ERC1: variants seen among roughly 807,000 people sequenced by gnomAD.
ERC1 encodes the protein ELKS/RAB6-interacting/CAST family member 1.
ERC1 carries 56 observed loss-of-function variants against 132.0 expected under a neutral mutation model. The ratio of observed to expected loss-of-function variants is 0.42; its 90% CI spans 0.34 to 0.53. The LOEUF is 0.53. ERC1 is among the 20% of genes least tolerant of loss of function. ERC1 has a pLI of 0.03. For synonymous variants in ERC1, 478 were observed against 476.1 expected, an observed-to-expected ratio of 1.00 and a Z score of -0.05; for missense variants, 1,202 against 1,349.9, an observed-to-expected ratio of 0.89 and a Z score of 1.72.
At chr12:1,311,800 A>G (rs563898645) in intron 15 of ERC1, among the ~76,000 whole-genome samples, 2 of 152,308 alleles carry the variant, frequency 1.3e-5, no homozygotes, top group East Asian at 3.9e-4. Context: ...TGAAGTAGCC[A>G]TGCTTTGTCT....
At chr12:1,420,150 T>G (rs553382168) in intron 17 of ERC1, among the ~76,000 whole-genome samples, 1 of 152,296 alleles carries the variant, frequency 6.6e-6, no homozygotes, top group Non-Finnish European at 1.5e-5. Context: ...TTTGCATAAT[T>G]TATTATTTTT....
chr12:1,484,291 G>A (rs542896319), intron 18 of ERC1, among the ~76,000 whole-genome samples: 122 of 150,868 alleles, frequency 8.1e-4, no homozygotes, highest in Middle Eastern at 6.8e-3. Context: ...GTGACAGAGC[G>A]AGACTCCGTC....
intron 13 of ERC1, among the ~76,000 whole-genome samples, chr12:1,252,773 G>T (rs966505547): frequency 6.6e-6 from 1 of 152,146 alleles, no homozygotes; most frequent in African/African-American, 2.4e-5. Context: ...ACCAAATTCT[G>T]TCTCTGTGTT....
At chr12:1,397,407 C>G (rs992288585) in intron 16 of ERC1, among the ~76,000 whole-genome samples, 3 of 152,090 alleles carry the variant, frequency 2.0e-5, no homozygotes, top group African/African-American at 7.2e-5. Context: ...CAAAATAACC[C>G]AGTTGTGCCA....
chr12:1,207,069 A>C (rs977923972), intron 12 of ERC1, among the ~76,000 whole-genome samples: 2 of 152,102 alleles, frequency 1.3e-5, no homozygotes, highest in African/African-American at 2.4e-5. Context: ...TTTGCCCCCC[A>C]AAAAATCCCA....
chr12:1,433,581 A>G (rs531998464), intron 17 of ERC1, among the ~76,000 whole-genome samples: 19 of 152,274 alleles, frequency 1.2e-4, no homozygotes, highest in Non-Finnish European at 2.1e-4. Context: ...GCATCTGGGA[A>G]ATGATGTGTG....
intron 11 of ERC1, among the ~76,000 whole-genome samples, chr12:1,183,829 AGAGT>A (rs1425945219): frequency 1.3e-5 from 2 of 152,126 alleles, no homozygotes; most frequent in Non-Finnish European, 1.5e-5. Flanking sequence ...CCTGTGCCAC[AGAGT>A]GAGACCCCAT....
chr12:1,424,882 ATAGATAGATAGATAGATAG>A (rs1335258497), intron 17 of ERC1, among the ~76,000 whole-genome samples: 5 of 147,224 alleles, frequency 3.4e-5, no homozygotes, highest in African/African-American at 1.3e-4. Flanking sequence ...AGATAGATAG[ATAGATAGATAGATAGATAG>A]ATAGATAGAT....
intron 18 of ERC1, among the ~76,000 whole-genome samples, chr12:1,458,099 G>C (rs1433293527): frequency 2.0e-5 from 3 of 152,182 alleles, no homozygotes; most frequent in Non-Finnish European, 4.4e-5. Flanking sequence ...ATCATGCCCT[G>C]GGCATTTGGC....
intron 16 of ERC1, among the ~76,000 whole-genome samples, chr12:1,382,628 TC>T (rs1447081745): frequency 6.6e-6 from 1 of 152,236 alleles, no homozygotes; most frequent in Non-Finnish European, 1.5e-5. Context: ...GGTGGATAGA[TC>T]AAATGATTTT....
chr12:1,022,151 A>G (rs1429874539), intron 1 of ERC1, among the ~76,000 whole-genome samples: 6 of 152,164 alleles, frequency 3.9e-5, no homozygotes, highest in African/African-American at 7.2e-5. Flanking sequence ...TCCTGGACTC[A>G]AGCAATCCTA....
At chr12:1,399,509 C>T (rs2154386489) in intron 16 of ERC1, among the ~76,000 whole-genome samples, 1 of 152,266 alleles carries the variant, frequency 6.6e-6, no homozygotes, top group Admixed American at 6.5e-5. Context: ...AAATTGAAAG[C>T]ATTATTGATT....
At chr12:1,233,206 C>T (rs1007750322) in intron 12 of ERC1, among the ~76,000 whole-genome samples, 2 of 152,168 alleles carry the variant, frequency 1.3e-5, no homozygotes, top group African/African-American at 2.4e-5. Flanking sequence ...CACAGTGGCT[C>T]ATGCCTGTAA....
intron 18 of ERC1, among the ~76,000 whole-genome samples, chr12:1,468,403 G>A (rs1040266851): frequency 6.6e-6 from 1 of 152,176 alleles, no homozygotes; most frequent in Non-Finnish European, 1.5e-5. Flanking sequence ...AGGAGTTCAA[G>A]GTCAGCCTGG....
chr12:1,173,584 T>C lies in ERC1; in HGVS notation c.1738-6956T>C, dbSNP rs890369001. Among the ~76,000 whole-genome samples the C allele has an allele frequency of 2.0e-5, 3 of 152,338 alleles. No homozygotes were observed. In the East Asian group the frequency reaches 5.8e-4, roughly 29 times the overall value. On this transcript the variant is annotated intron_variant, in intron 8 of 18. Coordinates refer to ENST00000360905, the MANE Select transcript of ERC1 (RefSeq NM_178040.4). Reference sequence around the variant, plus strand: ...GCTGTTCAAAGCTTCTTATAAATCTTATATTTCAGATCCTATGGGTACTTG... The same window carrying C: ...GCTGTTCAAAGCTTCTTATAAATCTCATATTTCAGATCCTATGGGTACTTG...
intron 2 of ERC1, among the ~76,000 whole-genome samples, chr12:1,062,215 C>A (rs1158470507): frequency 6.6e-6 from 1 of 152,048 alleles, no homozygotes; most frequent in Non-Finnish European, 1.5e-5. Flanking sequence ...GATCTCCAGA[C>A]CTCGTGATCT....
chr12:1,030,210 A>G (rs891735178), intron 2 of ERC1, among the ~76,000 whole-genome samples: 1 of 152,202 alleles, frequency 6.6e-6, no homozygotes, highest in Non-Finnish European at 1.5e-5. Context: ...ATATGTAATT[A>G]GCTACCTCAT....
At chr12:1,322,328 A>G (rs889693943) in intron 15 of ERC1, among the ~76,000 whole-genome samples, 1 of 152,172 alleles carries the variant, frequency 6.6e-6, no homozygotes, top group African/African-American at 2.4e-5. Flanking sequence ...AGGAAAACTG[A>G]TACTCAGAAT....
chr12:1,031,287 C>T (rs1967985670), intron 2 of ERC1, among the ~76,000 whole-genome samples: 1 of 152,206 alleles, frequency 6.6e-6, no homozygotes, highest in Admixed American at 6.5e-5. Context: ...TGACATTTCT[C>T]TTTACTGAAA....
Sources: gnomAD v4.1 joint callset for allele counts (sites outside exome capture counted in the v4.1 genomes callset) on GRCh38, gnomAD v4.1.1 for gene constraint, MANE v1.5 for transcripts, NCBI Gene and HGNC (gene_info 2026-07-23, HGNC 2026-07-21) for gene names.